Variants in PRP4K observed in about 807,000 individuals in gnomAD.
PRP4K encodes the protein pre-mRNA processing factor kinase PRP4K, also known as serine/threonine-protein kinase PRP4 homolog.
chr6:4,024,160 G>A, the PRP4K span, among the ~76,000 whole-genome samples: 101 of 152,060 alleles, frequency 6.6e-4, no homozygotes, highest in Middle Eastern at 3.4e-3. Flanking sequence ...CTACCGTGCC[G>A]AGCCATGCCT....
At chr6:4,050,161 G>C in the PRP4K span, among the ~76,000 whole-genome samples, 2 of 18,940 alleles carry the variant, frequency 1.1e-4, 1 homozygote, top group East Asian at 1.2e-3. Flanking sequence ...CAAGTAGCTG[G>C]GACTACAGGC....
the PRP4K span, among the ~76,000 whole-genome samples, chr6:4,055,673 C>T: frequency 6.6e-6 from 1 of 152,148 alleles, no homozygotes; most frequent in African/African-American, 2.4e-5. Flanking sequence ...GTCACTATTA[C>T]TGTGTATGTT....
the PRP4K span, chr6:4,061,825 A>G: frequency 6.6e-6 from 1 of 152,622 alleles, no homozygotes; most frequent in Non-Finnish European, 1.5e-5. Context: ...AGATTGTTCT[A>G]CTGCATGTGA....
At chr6:4,039,994 C>T in the PRP4K span, among the ~76,000 whole-genome samples, 1 of 151,824 alleles carries the variant, frequency 6.6e-6, no homozygotes, top group Non-Finnish European at 1.5e-5. Context: ...ACCTCCTGGG[C>T]TCAAGGAATC....
chr6:4,063,931 A>T, the PRP4K span: 8 of 152,296 alleles, frequency 5.3e-5, no homozygotes, highest in East Asian at 1.5e-3. Context: ...TTGAGGGCTC[A>T]TAGAAGTGTT....
At chr6:4,052,604 TA>T in the PRP4K span, 1 of 786,322 alleles carries the variant, frequency 1.3e-6, no homozygotes, top group East Asian at 2.7e-5. Context: ...GGTTCTTACA[TA>T]TTTTTATTTT....
chr6:4,049,363 T>C, the PRP4K span: 1 of 463,606 alleles, frequency 2.2e-6, no homozygotes, highest in Non-Finnish European at 3.8e-6. Flanking sequence ...CATGAGATAG[T>C]CTTCCAGAAG....
At chr6:4,031,617 G>A in the PRP4K span, 1 of 1,592,096 alleles carries the variant, frequency 6.3e-7, no homozygotes, top group East Asian at 2.2e-5. Context: ...AGTATCAGAA[G>A]ACCAGTCTCA....
the PRP4K span, among the ~76,000 whole-genome samples, chr6:4,059,566 C>G: frequency 6.6e-6 from 1 of 152,202 alleles, no homozygotes; most frequent in Non-Finnish European, 1.5e-5. Context: ...CTTACCACTT[C>G]AAGGTAGGGA....
At chr6:4,042,064 A>G in the PRP4K span, among the ~76,000 whole-genome samples, 2 of 152,180 alleles carry the variant, frequency 1.3e-5, no homozygotes, top group Non-Finnish European at 2.9e-5. Context: ...TGCATTTTTG[A>G]TAGGGAAGTA....
At chr6:4,031,943 T>G in the PRP4K span, 505 of 1,614,048 alleles carry the variant, frequency 3.1e-4, 10 homozygotes, top group South Asian at 5.0e-3. Flanking sequence ...GTTATGAGTC[T>G]GGCTCTGAAG....
chr6:4,060,189 T>A, the PRP4K span, among the ~76,000 whole-genome samples: 3 of 152,184 alleles, frequency 2.0e-5, no homozygotes, highest in Non-Finnish European at 4.4e-5. The surrounding 1 kb of genome is among the most constrained non-coding windows in gnomAD (Gnocchi z 4.7). Context: ...AGTGTATGTA[T>A]GTATCTAAAC....
At chr6:4,030,777 T>A in the PRP4K span, among the ~76,000 whole-genome samples, 251 of 152,312 alleles carry the variant, frequency 1.6e-3, 7 homozygotes, top group East Asian at 0.044. Context: ...TTACTGATAT[T>A]AGACTTGTTG....
At chr6:4,021,566 C>G in the PRP4K span, 2 of 1,499,504 alleles carry the variant, frequency 1.3e-6, no homozygotes, top group Non-Finnish European at 9.1e-7. Context: ...CGGCGAGAGT[C>G]AAACTTTGCT....
chr6:4,046,646 A>G, the PRP4K span, among the ~76,000 whole-genome samples: 2 of 150,976 alleles, frequency 1.3e-5, no homozygotes, highest in Admixed American at 6.6e-5. Context: ...AAAAGTTAAC[A>G]TTGGGTCTTT....
the PRP4K span, among the ~76,000 whole-genome samples, chr6:4,024,256 G>A: frequency 6.6e-5 from 10 of 152,008 alleles, no homozygotes; most frequent in Non-Finnish European, 1.5e-4. Context: ...AGTGCTGCAG[G>A]TACTAGGGAG....
At chr6:4,028,008 T>A in the PRP4K span, among the ~76,000 whole-genome samples, 1 of 152,088 alleles carries the variant, frequency 6.6e-6, no homozygotes, top group Non-Finnish European at 1.5e-5. Flanking sequence ...TTTCTCAGAC[T>A]TTTCCCCCTA....
chr6:4,051,938 A>G, the PRP4K span: 6 of 1,125,396 alleles, frequency 5.3e-6, no homozygotes, highest in Non-Finnish European at 7.3e-6. Context: ...TTTTACCCCA[A>G]TTTTTTTTTT....
chr6:4,034,592 C>G, the PRP4K span, among the ~76,000 whole-genome samples: 1 of 151,970 alleles, frequency 6.6e-6, no homozygotes, highest in African/African-American at 2.4e-5. Context: ...ACCAGGATAC[C>G]ATATAGTATT....
Sources: gnomAD v4.1 joint callset for allele counts (sites outside exome capture counted in the v4.1 genomes callset) on GRCh38, gnomAD v4.1.1 for gene constraint, Gnocchi (gnomAD v3.1) non-coding constraint, MANE v1.5 for transcripts, NCBI Gene and HGNC (gene_info 2026-07-23, HGNC 2026-07-21) for gene names.